The following GMDS variants were observed in gnomAD, a reference collection of about 807,000 sequenced individuals.
The protein encoded by GMDS is GDP-mannose 4,6-dehydratase, also known as GDP-mannose 4,6 dehydratase.
A neutral mutation model predicts 49.9 loss-of-function variants in GMDS; 20 were observed. That is an observed-to-expected ratio of 0.40 (90% confidence interval 0.28 to 0.58). The LOEUF is 0.58. Ranked by LOEUF, GMDS falls within the 20% of genes least tolerant of loss-of-function variation. The probability of loss-of-function intolerance (pLI) is 0.42; values close to 1 mark genes in which losing one functional copy is unlikely to be tolerated. For missense variants in GMDS, 362 were observed against 481.4 expected, an observed-to-expected ratio of 0.75 and a Z score of 2.32; for synonymous variants, 177 against 178.6, an observed-to-expected ratio of 0.99 and a Z score of 0.07.
At chr6:1,935,991 G>T (rs1222014974) in intron 6 of GMDS, among the ~76,000 whole-genome samples, 1 of 152,206 alleles carries the variant, frequency 6.6e-6, no homozygotes, top group Non-Finnish European at 1.5e-5. Flanking sequence ...GTCTGGGCTG[G>T]AAGTGAAAAT....
intron 1 of GMDS, among the ~76,000 whole-genome samples, chr6:2,225,704 A>C (rs1395828029): frequency 6.6e-6 from 1 of 152,242 alleles, no homozygotes; most frequent in East Asian, 1.9e-4. Context: ...TAGGGATCAG[A>C]AAAGAATGAT....
chr6:1,783,199 T>C (rs1219194154), intron 7 of GMDS, among the ~76,000 whole-genome samples: 2 of 152,234 alleles, frequency 1.3e-5, no homozygotes, highest in South Asian at 2.1e-4. Flanking sequence ...GAAACTGGTA[T>C]AACTAGGGGA....
At chr6:1,665,172 T>A (rs1764200005) in intron 9 of GMDS, among the ~76,000 whole-genome samples, 1 of 152,228 alleles carries the variant, frequency 6.6e-6, no homozygotes, top group Non-Finnish European at 1.5e-5. Flanking sequence ...TATGTATACA[T>A]GTGCCATGTT....
chr6:2,115,240 C>A (rs761116821), intron 4 of GMDS, among the ~76,000 whole-genome samples: 20 of 152,158 alleles, frequency 1.3e-4, no homozygotes, highest in Non-Finnish European at 2.1e-4. Context: ...AGGGGAAAAT[C>A]CACACTGGCT....
Position 1,712,392 on chromosome 6 carries a change from G to A in GMDS, c.987+14024C>T, listed in dbSNP as rs555158847. Among the ~76,000 whole-genome samples, 3 of 152,314 alleles carry A rather than the reference G, an allele frequency of 2.0e-5. No homozygotes were observed. In the South Asian group the frequency reaches 6.2e-4, roughly 32 times the overall value. On this transcript the variant is annotated intron_variant, in intron 9 of 10. Transcript: ENST00000380815. ...AAGTAGAAGATGTAAGTAGCTAAAT[G>A]AACTTTGAAGTGCTGTGTTCTTATC...
intron 4 of GMDS, among the ~76,000 whole-genome samples, chr6:2,092,977 C>T (rs776844427): frequency 1.3e-5 from 2 of 152,064 alleles, no homozygotes; most frequent in African/African-American, 2.4e-5. Flanking sequence ...CAGTAGTTAC[C>T]AGATTACAAA....
At chr6:1,818,307 A>C (rs1026822567) in intron 7 of GMDS, among the ~76,000 whole-genome samples, 2 of 152,190 alleles carry the variant, frequency 1.3e-5, no homozygotes, top group Non-Finnish European at 2.9e-5. Flanking sequence ...AGTTTTTCTA[A>C]ATAAAAGTTT....
At chr6:2,024,938 T>C in intron 4 of GMDS, among the ~76,000 whole-genome samples, 1 of 152,048 alleles carries the variant, frequency 6.6e-6, no homozygotes, top group East Asian at 1.9e-4. Context: ...AAAGTTGATT[T>C]AGCATTAATC....
At position 2,245,487 on chromosome 6, in the gene GMDS, C is replaced by T; in HGVS notation, c.-65G>A. The T allele has an allele frequency of 1.1e-6, 1 of 922,052 alleles. No homozygotes were observed. Among genetic ancestry groups the T allele is most frequent in the Non-Finnish European group, 1.5e-6 (1 of 675,206 alleles). The allele number at this position is 922,052 out of a possible 1,614,324, so 57.1% of individuals were successfully genotyped here. A position where few individuals can be genotyped will look rare whatever the true frequency, so the allele number is the denominator to read the frequency against. On this transcript the variant is annotated 5_prime_UTR_variant, in exon 1 of 11. Transcript: ENST00000380815. Reference sequence around the variant, plus strand: ...CGGCAGAGGGCAGGCGCGGTGCCGGCAGGAACGCGGGGGTGTGCAGCACGA... The same window carrying T: ...CGGCAGAGGGCAGGCGCGGTGCCGGTAGGAACGCGGGGGTGTGCAGCACGA...
At chr6:1,859,677 C>T (rs777816826) in intron 7 of GMDS, among the ~76,000 whole-genome samples, 1 of 152,052 alleles carries the variant, frequency 6.6e-6, no homozygotes, top group Non-Finnish European at 1.5e-5. Context: ...ACAGCCTGGA[C>T]CAGGAGTGAA....
intron 7 of GMDS, among the ~76,000 whole-genome samples, chr6:1,860,793 T>C (rs1758146773): frequency 1.3e-5 from 2 of 152,152 alleles, no homozygotes; most frequent in African/African-American, 2.4e-5. Context: ...AAGGGTACTT[T>C]AAGAAGATTA....
chr6:1,714,923 C>A (rs1766119502), intron 9 of GMDS, among the ~76,000 whole-genome samples: 2 of 152,324 alleles, frequency 1.3e-5, no homozygotes, highest in South Asian at 4.1e-4. Flanking sequence ...TATGGCATCA[C>A]CAGGTCTTCC....
intron 1 of GMDS, among the ~76,000 whole-genome samples, chr6:2,243,693 C>T (rs552305015): frequency 1.8e-4 from 28 of 152,198 alleles, no homozygotes; most frequent in Non-Finnish European, 3.7e-4. Context: ...AAACTCAGAT[C>T]CACCTCTTAC....
intron 7 of GMDS, among the ~76,000 whole-genome samples, chr6:1,753,815 A>T (rs1767831374): frequency 6.6e-6 from 1 of 152,186 alleles, no homozygotes; most frequent in Non-Finnish European, 1.5e-5. Flanking sequence ...GGCAGAACTA[A>T]ATAAGTTATT....
chr6:1,896,080 G>T (rs1190964438), intron 7 of GMDS, among the ~76,000 whole-genome samples: 1 of 152,104 alleles, frequency 6.6e-6, no homozygotes, highest in African/African-American at 2.4e-5. Context: ...AGCAGATTGG[G>T]GGAGCAGAGA....
chr6:1,689,102 G>A (rs1765082613), intron 9 of GMDS, among the ~76,000 whole-genome samples: 1 of 152,166 alleles, frequency 6.6e-6, no homozygotes, highest in Non-Finnish European at 1.5e-5. Flanking sequence ...CAGACACAAA[G>A]TTATTTTTAT....
intron 6 of GMDS, among the ~76,000 whole-genome samples, chr6:1,954,864 G>A (rs1763548110): frequency 6.6e-6 from 1 of 152,026 alleles, no homozygotes; most frequent in African/African-American, 2.4e-5. Flanking sequence ...GGCAGGGGGT[G>A]GTAATGGCCA....
chr6:2,145,815 C>T (rs1323869298), intron 1 of GMDS, among the ~76,000 whole-genome samples: 2 of 152,134 alleles, frequency 1.3e-5, no homozygotes, highest in Non-Finnish European at 2.9e-5. Flanking sequence ...ATGCCTTGGG[C>T]CCAGAGTTCA....
chr6:2,152,490 G>A (rs2127538766), intron 1 of GMDS, among the ~76,000 whole-genome samples: 1 of 152,108 alleles, frequency 6.6e-6, no homozygotes, highest in African/African-American at 2.4e-5. Context: ...ATGCTGGGAG[G>A]AAATATCCTA....
Sources: allele counts gnomAD v4.1 joint callset (sites outside exome capture counted in the v4.1 genomes callset), GRCh38; gene constraint gnomAD v4.1.1; transcripts MANE v1.5; gene names NCBI Gene and HGNC (gene_info 2026-07-23, HGNC 2026-07-21).